The following MYH3 variants were observed in gnomAD, a reference collection of about 807,000 sequenced individuals.
The protein encoded by MYH3 is myosin heavy chain 3.
Under a neutral mutation model 238.0 loss-of-function variants are expected in MYH3, and 130 were observed. That is an observed-to-expected ratio of 0.55 (90% CI 0.47 to 0.63). The LOEUF (loss-of-function observed/expected upper bound fraction) is 0.63, where lower values mean the gene tolerates loss of function less well. Among genes scored for constraint, MYH3 ranks in the 30% least tolerant of loss-of-function variants. The pLI is 0.00. For synonymous variants in MYH3, 880 were observed against 924.1 expected (o/e 0.95, Z 0.86); for missense variants, 1,853 against 2,374.9 (o/e 0.78, Z 4.57).
intron 3 of MYH3, 133 bp from the exon 4 acceptor site, chr17:10,652,696 A>G: frequency 3.1e-6 from 3 of 976,686 alleles, no homozygotes; most frequent in East Asian, 2.8e-5. Context: ...ATCTCGGCTC[A>G]CTGCAAGCTC....
the MYH3 span, among the ~76,000 whole-genome samples, chr17:10,670,078 C>CA: frequency 6.6e-6 from 1 of 152,180 alleles, no homozygotes; most frequent in African/African-American, 2.4e-5. The surrounding 1 kb of genome is among the most constrained non-coding windows in gnomAD (Gnocchi z 7.0). Context: ...TTATCAGTCC[C>CA]ACGTGTGACA....
At chr17:10,669,231 G>T in the MYH3 span, among the ~76,000 whole-genome samples, 1 of 152,012 alleles carries the variant, frequency 6.6e-6, no homozygotes, top group Middle Eastern at 3.2e-3. Flanking sequence ...AAATATTTGG[G>T]CCTCAATTTC....
the MYH3 span, chr17:10,675,454 T>A: frequency 6.6e-6 from 1 of 152,224 alleles, no homozygotes. Context: ...CTTTTTCCCC[T>A]CTACTTTTCT....
At chr17:10,648,064 T>C (rs1296930197) in intron 8 of MYH3, among the ~76,000 whole-genome samples, 7 of 152,152 alleles carry the variant, frequency 4.6e-5, no homozygotes, top group Non-Finnish European at 1.0e-4. Context: ...CCTGTTACAC[T>C]TCAAAAGGAA....
upstream of MYH3, among the ~76,000 whole-genome samples, chr17:10,657,896 CCTT>C (rs567786363): frequency 7.2e-4 from 110 of 152,252 alleles, 2 homozygotes; most frequent in African/African-American, 2.4e-3. Flanking sequence ...CTACTCCTCT[CCTT>C]CTTTCTCTTA....
chr17:10,647,062 T>C lies in MYH3; in HGVS notation c.898+120A>G, dbSNP rs1015103017. ...GAGACCCTATCTCAAAATAAATAAATAAAATAAAATAAACTTTCCCTGTTG... is the reference window on the plus strand; with the variant it reads ...GAGACCCTATCTCAAAATAAATAAACAAAATAAAATAAACTTTCCCTGTTG... On this transcript the variant is annotated intron_variant, in intron 10 of 40. Transcript: ENST00000583535. 5 of 806,668 alleles carry C rather than the reference T, an allele frequency of 6.2e-6. No individual in the cohort carries two copies. In the African/African-American group the frequency reaches 8.8e-5, roughly 14 times the overall value. The allele number at this position is 806,668 out of a possible 1,614,324, so 50.0% of individuals were successfully genotyped here.
chr17:10,633,937 T>G (rs1057376121), intron 32 of MYH3, 80 bp downstream of exon 32: 1 of 1,569,036 alleles, frequency 6.4e-7, no homozygotes, highest in Non-Finnish European at 8.7e-7. Context: ...AACTGAGTGA[T>G]GAAGCCACAC....
rs1034591832 is a variant in MYH3, at chr17:10,655,126, C to A, written c.-8-54G>T. ...AGCAGCCCCCTTGCCAGGCACCCAG[C>A]AGCTCCAGGCCTGTTTCAGCCTCCA... is the stretch of plus-strand genomic sequence containing the variant. On this transcript the variant is annotated intron_variant, in intron 2 of 40. Transcript: ENST00000583535. 30 of 1,432,508 alleles carry A rather than the reference C, an allele frequency of 2.1e-5. No homozygotes were observed. In the Admixed American group the frequency reaches 4.2e-4, roughly 20 times the overall value. The allele number at this position is 1,432,508 out of a possible 1,614,324, so 88.7% of individuals were successfully genotyped here.
chr17:10,661,920 T>C (rs1473769042), upstream of MYH3, among the ~76,000 whole-genome samples: 1 of 152,164 alleles, frequency 6.6e-6, no homozygotes, highest in African/African-American at 2.4e-5. Context: ...TAAGCCAAAA[T>C]GCCCAGAGTC....
At chr17:10,672,587 C>T in the MYH3 span, 3 of 152,194 alleles carry the variant, frequency 2.0e-5, no homozygotes, top group African/African-American at 7.2e-5. Context: ...ACTACCAAGA[C>T]ACAGATCATT....
At chr17:10,657,640 G>A (rs1369118663), upstream of MYH3, among the ~76,000 whole-genome samples, 1 of 148,216 alleles carries the variant, frequency 6.7e-6, no homozygotes. Flanking sequence ...CACCCTGAAC[G>A]CGGCGTGAGC....
At chr17:10,645,514 G>A (rs2074312469) in intron 12 of MYH3, among the ~76,000 whole-genome samples, 193 bp downstream of exon 12, 1 of 151,958 alleles carries the variant, frequency 6.6e-6, no homozygotes, top group African/African-American at 2.4e-5. Context: ...GTAGAGATGG[G>A]GTTTCACCAT....
rs1391375631 is a variant in MYH3 at position 10,634,957 on chromosome 17, A to G, written c.4239T>C (p.Ala1413=). Residue 1413 remains alanine, a synonymous_variant, in exon 31 of 41, where the codon GCT becomes GCC. Transcript: ENST00000583535. Reference sequence around the variant, plus strand: ...GCCTCTGCTTGGTCTTCTCCAGTGAAGCACATTTAGCATTCACTGCCTCAA... The same window carrying G: ...GCCTCTGCTTGGTCTTCTCCAGTGAGGCACATTTAGCATTCACTGCCTCAA... The part of the protein sequence containing the change: ...EQVEAVNAKC[A]SLEKTKQRLQ... 6.2e-7 allele frequency: 1 copy of G among 1,613,980 alleles called. No individual in the cohort carries two copies. The highest frequency in any genetic ancestry group is 8.5e-7 in the Non-Finnish European group (1 of 1,180,036).
intron 6 of MYH3, 39 bp from the exon 7 acceptor site, chr17:10,649,724 CTG>C (rs754976560): frequency 2.5e-6 from 4 of 1,595,968 alleles, no homozygotes; most frequent in Non-Finnish European, 3.4e-6. Flanking sequence ...AGAAACAAGT[CTG>C]TTAGTATAAA....
chr17:10,638,418 C>A lies in MYH3; in HGVS notation c.3354G>T (p.Glu1118Asp). The A allele has an allele frequency of 6.2e-7, 1 of 1,600,214 alleles. No individual in the cohort carries two copies. Among genetic ancestry groups the A allele is most frequent in the Non-Finnish European group, 8.5e-7 (1 of 1,179,946 alleles). Residue 1118 changes from glutamate (E) to aspartate (D), a missense_variant, in exon 27 of 41, where the codon GAG (glutamate) becomes GAT (aspartate). This residue lies in a region of MYH3 where 1,044 missense variants were observed against 1,192.6 expected (regional missense o/e 0.88). Coordinates refer to ENST00000583535, the MANE Select transcript of MYH3 (RefSeq NM_002470.4). ...KIKELQARIE[E>D]LEEEIEAERA... ...TCTCCGCCTCTATCTCCTCTTCCAGCTCCTCAATTCGAGCCTGTGGAGGGC... is the reference window on the plus strand; with the variant it reads ...TCTCCGCCTCTATCTCCTCTTCCAGATCCTCAATTCGAGCCTGTGGAGGGC...
rs762972464 is a variant in MYH3, at chr17:10,639,952, A to T, written c.2682+44T>A. On this transcript the variant is annotated intron_variant, in intron 22 of 40. Transcript: ENST00000583535. The stretch of plus-strand genomic sequence containing the variant: ...TCAATTTTTCTAAATAAATAATCAA[A>T]TCTAGAAGAGTTAAAAAAAAAAAAA... 5 of 1,587,658 alleles carry T rather than the reference A, an allele frequency of 3.1e-6. No homozygotes were observed. In the South Asian group the frequency reaches 5.7e-5, roughly 18 times the overall value.
At chr17:10,651,744 A>AT (rs2074377626) in intron 4 of MYH3, 76 bp from the exon 5 acceptor site, 20 of 1,134,372 alleles carry the variant, frequency 1.8e-5, no homozygotes, top group Admixed American at 1.0e-4. Flanking sequence ...TATTATTATT[A>AT]TTGTTTTTTT....
At chr17:10,635,129 G>A in intron 30 of MYH3, 106 bp from the exon 31 acceptor site, 2 of 1,391,990 alleles carry the variant, frequency 1.4e-6, no homozygotes, top group South Asian at 1.2e-5. Context: ...AGACACCCAT[G>A]TGTTTTTATA....
upstream of MYH3, among the ~76,000 whole-genome samples, chr17:10,661,796 C>G (rs900413193): frequency 1.3e-5 from 2 of 152,134 alleles, no homozygotes; most frequent in African/African-American, 4.8e-5. Flanking sequence ...GCTCCTGGAT[C>G]AAGAGCGTTC....
Sources: allele counts gnomAD v4.1 joint callset (sites outside exome capture counted in the v4.1 genomes callset), GRCh38; gene constraint gnomAD v4.1.1; regional missense constraint gnomAD v4.1.1; non-coding constraint Gnocchi (gnomAD v3.1); transcripts MANE v1.5; gene names NCBI Gene and HGNC (gene_info 2026-07-23, HGNC 2026-07-21).